The following SHISA9 variants were observed in gnomAD, a reference collection of about 807,000 sequenced individuals.
SHISA9 encodes the protein shisa family member 9.
In SHISA9, 13 loss-of-function variants were observed where a neutral mutation model predicts 38.0. The ratio of observed to expected loss-of-function variants is 0.34; its 90% CI spans 0.22 to 0.54. The LOEUF is 0.54. Among genes scored for constraint, SHISA9 ranks in the 20% least tolerant of loss-of-function variants. The probability of loss-of-function intolerance (pLI) is 0.91; values close to 1 mark genes in which losing one functional copy is unlikely to be tolerated. For missense variants in SHISA9, 538 were observed against 575.8 expected, an observed-to-expected ratio of 0.93 and a Z score of 0.67; for synonymous variants, 275 against 242.0, an observed-to-expected ratio of 1.14 and a Z score of -1.27.
chr16:13,424,829 C>G, the SHISA9 span, among the ~76,000 whole-genome samples: 1 of 152,158 alleles, frequency 6.6e-6, no homozygotes, highest in Non-Finnish European at 1.5e-5. Context: ...CTGGCTTAGA[C>G]CCTGGCTGCT....
the SHISA9 span, among the ~76,000 whole-genome samples, chr16:13,535,931 A>G: frequency 1.3e-5 from 2 of 152,270 alleles, no homozygotes; most frequent in Non-Finnish European, 2.9e-5. Flanking sequence ...TTACTCAGGC[A>G]CTGAGCCTTT....
chr16:13,350,347 C>A, the SHISA9 span: 1 of 152,394 alleles, frequency 6.6e-6, no homozygotes, highest in Non-Finnish European at 1.5e-5. Flanking sequence ...TGGAGTTGGA[C>A]TGAGCCATGC....
intron 2 of SHISA9, among the ~76,000 whole-genome samples, chr16:12,978,279 C>T (rs535997020): frequency 1.2e-3 from 185 of 152,302 alleles, no homozygotes; most frequent in African/African-American, 4.3e-3. Flanking sequence ...AAGAAATGAG[C>T]ATGACTTCTA....
At chr16:13,266,510 A>G in the SHISA9 span, among the ~76,000 whole-genome samples, 1 of 152,116 alleles carries the variant, frequency 6.6e-6, no homozygotes, top group African/African-American at 2.4e-5. Flanking sequence ...GATGAGGGCA[A>G]TGTTGGTTCA....
At chr16:13,415,551 T>C in the SHISA9 span, among the ~76,000 whole-genome samples, 1 of 152,174 alleles carries the variant, frequency 6.6e-6, no homozygotes, top group Non-Finnish European at 1.5e-5. Flanking sequence ...TAAGTTTACC[T>C]ATATAACCAA....
At chr16:13,435,532 A>C in the SHISA9 span, among the ~76,000 whole-genome samples, 80 of 152,346 alleles carry the variant, frequency 5.3e-4, no homozygotes, top group East Asian at 0.011. Flanking sequence ...TGGAAAAGGC[A>C]CTTTTCAATG....
Position 13,037,678 on chromosome 16 carries a change from C to A in SHISA9, c.691+120863C>A, listed in dbSNP as rs573107835. 3.3e-5 allele frequency among the ~76,000 whole-genome samples: 5 copies of A among 152,264 alleles called. No homozygotes were observed. In the East Asian group the frequency reaches 7.7e-4, roughly 24 times the overall value. On this transcript the variant is annotated intron_variant, in intron 2 of 4. Coordinates refer to ENST00000558583, the MANE Select transcript of SHISA9 (RefSeq NM_001145204.3). ...CATGGTTTAAACTCTCCTTTCTTTCCTGGAATAAGCAGCCCCCTAACTGGT... is the reference window on the plus strand; with the variant it reads ...CATGGTTTAAACTCTCCTTTCTTTCATGGAATAAGCAGCCCCCTAACTGGT...
At chr16:13,252,504 C>T in the SHISA9 span, among the ~76,000 whole-genome samples, 1 of 152,136 alleles carries the variant, frequency 6.6e-6, no homozygotes, top group East Asian at 1.9e-4. Flanking sequence ...CCCCCAGGAC[C>T]CTTCTTCATG....
At chr16:13,532,947 C>G in the SHISA9 span, among the ~76,000 whole-genome samples, 1 of 152,134 alleles carries the variant, frequency 6.6e-6, no homozygotes, top group Non-Finnish European at 1.5e-5. Context: ...CCCCCTACCT[C>G]CAAAAGTCTG....
intron 2 of SHISA9, among the ~76,000 whole-genome samples, chr16:13,137,072 C>T (rs1193371410): frequency 6.6e-6 from 1 of 152,192 alleles, no homozygotes; most frequent in Non-Finnish European, 1.5e-5. Flanking sequence ...GGCATTTCAA[C>T]AGAATGTATC....
chr16:12,971,452 A>G (rs1363554051), intron 2 of SHISA9, among the ~76,000 whole-genome samples: 1 of 152,220 alleles, frequency 6.6e-6, no homozygotes, highest in Non-Finnish European at 1.5e-5. Context: ...CTTGAATGGG[A>G]GAGAGGTCTT....
At chr16:13,088,013 G>A (rs2073732509) in intron 2 of SHISA9, among the ~76,000 whole-genome samples, 1 of 152,164 alleles carries the variant, frequency 6.6e-6, no homozygotes, top group African/African-American at 2.4e-5. Flanking sequence ...GTGTAAGGAA[G>A]GGATCCAGTT....
At chr16:13,092,659 G>T (rs1298211898) in intron 2 of SHISA9, among the ~76,000 whole-genome samples, 3 of 152,272 alleles carry the variant, frequency 2.0e-5, no homozygotes, top group African/African-American at 7.2e-5. Flanking sequence ...TTGTCTGCCA[G>T]TTGCTAAGAC....
the SHISA9 span, among the ~76,000 whole-genome samples, chr16:13,282,860 T>A: frequency 2.0e-5 from 3 of 152,160 alleles, no homozygotes; most frequent in Non-Finnish European, 2.9e-5. Flanking sequence ...TCTATTTAAC[T>A]GCTGAGATTT....
At chr16:13,455,107 CACATAATTATACCTTTAT>C in the SHISA9 span, among the ~76,000 whole-genome samples, 1 of 152,082 alleles carries the variant, frequency 6.6e-6, no homozygotes, top group African/African-American at 2.4e-5. Context: ...TATATATAAC[CACATAATTATACCTTTAT>C]ACACTATGTA....
At chr16:12,917,762 T>C (rs1004715398) in intron 2 of SHISA9, among the ~76,000 whole-genome samples, 3 of 152,326 alleles carry the variant, frequency 2.0e-5, no homozygotes, top group African/African-American at 7.2e-5. Flanking sequence ...TAGTTGTGGC[T>C]GGAGGTTCCT....
chr16:12,940,900 C>G (rs958277633), intron 2 of SHISA9, among the ~76,000 whole-genome samples: 1 of 152,134 alleles, frequency 6.6e-6, no homozygotes, highest in Non-Finnish European at 1.5e-5. Flanking sequence ...GGCACAGTTC[C>G]TAAGACAGGC....
chr16:13,103,902 G>T (rs1396205010), intron 2 of SHISA9, among the ~76,000 whole-genome samples: 1 of 152,162 alleles, frequency 6.6e-6, no homozygotes, highest in African/African-American at 2.4e-5. Flanking sequence ...GCATTGGAAA[G>T]AAGTCATCTC....
At chr16:13,427,527 AAAAC>A in the SHISA9 span, among the ~76,000 whole-genome samples, 4 of 152,244 alleles carry the variant, frequency 2.6e-5, no homozygotes, top group South Asian at 2.1e-4. Flanking sequence ...AAAAAAGAAA[AAAAC>A]AAAGCCTTGT....
Sources: gnomAD v4.1 joint callset for allele counts (sites outside exome capture counted in the v4.1 genomes callset) on GRCh38, gnomAD v4.1.1 for gene constraint, MANE v1.5 for transcripts, NCBI Gene and HGNC (gene_info 2026-07-23, HGNC 2026-07-21) for gene names.